NOX4: variants seen among roughly 807,000 people sequenced by gnomAD.
The protein encoded by NOX4 is NADPH oxidase 4.
Under a neutral mutation model 87.6 loss-of-function variants are expected in NOX4, and 69 were observed. That is an observed-to-expected ratio of 0.79 (90% CI 0.65 to 0.96). The LOEUF (loss-of-function observed/expected upper bound fraction) is 0.96, where lower values mean the gene tolerates loss of function less well. Among genes scored for constraint, NOX4 ranks in the 40% least tolerant of loss-of-function variants. NOX4 has a pLI of 0.00. For synonymous variants in NOX4, 275 were observed against 238.2 expected (o/e 1.15, Z -1.42); for missense variants, 680 against 681.5 (o/e 1.00, Z 0.02).
At chr11:89,539,610 C>A in the NOX4 span, among the ~76,000 whole-genome samples, 3 of 152,020 alleles carry the variant, frequency 2.0e-5, no homozygotes, top group Admixed American at 2.0e-4. Context: ...TCTTCCTCAC[C>A]CACCCTCTTT....
At chr11:89,413,943 A>T (rs1378279329) in intron 8 of NOX4, among the ~76,000 whole-genome samples, 3 of 152,056 alleles carry the variant, frequency 2.0e-5, no homozygotes, top group Non-Finnish European at 4.4e-5. Context: ...AAGTTTTTTA[A>T]ATGGAGAACA....
At chr11:89,575,500 T>G in the NOX4 span, among the ~76,000 whole-genome samples, 42 of 152,118 alleles carry the variant, frequency 2.8e-4, no homozygotes, top group African/African-American at 1.0e-3. Flanking sequence ...CCAAATATAA[T>G]CATTGATTTA....
intron 8 of NOX4, 27 bp from the exon 9 acceptor site, chr11:89,402,569 C>T (rs777519776): frequency 6.5e-7 from 1 of 1,530,524 alleles, no homozygotes; most frequent in African/African-American, 1.4e-5. Flanking sequence ...AACAAACAAA[C>T]AGAGAAATGA....
the NOX4 span, among the ~76,000 whole-genome samples, chr11:89,506,023 A>C: frequency 6.6e-6 from 1 of 151,876 alleles, no homozygotes; most frequent in South Asian, 2.1e-4. Context: ...ATGTATATTT[A>C]TGGTATTGAT....
chr11:89,456,709 C>T (rs1591303096), intron 2 of NOX4, among the ~76,000 whole-genome samples: 2 of 152,094 alleles, frequency 1.3e-5, no homozygotes, highest in East Asian at 3.9e-4. Context: ...CCCATGACTC[C>T]CACGGACACT....
At chr11:89,386,588 T>C (rs186130596) in intron 11 of NOX4, among the ~76,000 whole-genome samples, 3 of 152,272 alleles carry the variant, frequency 2.0e-5, no homozygotes, top group African/African-American at 2.4e-5. Flanking sequence ...CACTCTCTCC[T>C]AGCCATTTCT....
chr11:89,455,457 T>C (rs1021303637), intron 2 of NOX4, among the ~76,000 whole-genome samples: 4 of 152,212 alleles, frequency 2.6e-5, no homozygotes, highest in Admixed American at 2.0e-4. Context: ...CAGCTATGTA[T>C]CCTCAGCCCT....
chr11:89,393,537 C>T (rs772717860), intron 11 of NOX4, among the ~76,000 whole-genome samples: 9 of 152,084 alleles, frequency 5.9e-5, no homozygotes, highest in African/African-American at 1.9e-4. Context: ...AAGCCACATG[C>T]TCATGTCTTG....
At chr11:89,334,224 A>G (rs1264465158) in intron 17 of NOX4, among the ~76,000 whole-genome samples, 1 of 151,676 alleles carries the variant, frequency 6.6e-6, no homozygotes, top group Non-Finnish European at 1.5e-5. Flanking sequence ...GAGACAGATG[A>G]GTATGACAAG....
At chr11:89,543,209 A>AT in the NOX4 span, among the ~76,000 whole-genome samples, 3 of 152,184 alleles carry the variant, frequency 2.0e-5, no homozygotes, top group Non-Finnish European at 4.4e-5. Context: ...ATATAAAAAA[A>AT]TTTTTAAAGA....
chr11:89,476,192 C>T (rs1400855158), intron 2 of NOX4, among the ~76,000 whole-genome samples: 1 of 152,066 alleles, frequency 6.6e-6, no homozygotes, highest in African/African-American at 2.4e-5. Context: ...ATCCATTCCA[C>T]TATTTGCACC....
chr11:89,347,354 C>T (rs1460183733), intron 13 of NOX4, among the ~76,000 whole-genome samples: 1 of 152,148 alleles, frequency 6.6e-6, no homozygotes, highest in African/African-American at 2.4e-5. Context: ...TTTCCCCCTG[C>T]CCTGAGGCAA....
intron 8 of NOX4, among the ~76,000 whole-genome samples, chr11:89,413,766 A>G (rs1942614269): frequency 6.6e-6 from 1 of 152,102 alleles, no homozygotes. Flanking sequence ...AAAATAATGA[A>G]AACAGTACAA....
the NOX4 span, among the ~76,000 whole-genome samples, chr11:89,582,480 C>A: frequency 4.6e-5 from 7 of 152,130 alleles, no homozygotes; most frequent in Admixed American, 2.0e-4. Flanking sequence ...CATAGCTGCA[C>A]TAATTTACAT....
At chr11:89,389,351 G>A (rs769538231) in intron 11 of NOX4, among the ~76,000 whole-genome samples, 19 of 152,142 alleles carry the variant, frequency 1.2e-4, no homozygotes, top group Non-Finnish European at 2.5e-4. Flanking sequence ...GTATTTCTGT[G>A]CCCTGTCTTT....
rs557106243 is a variant in NOX4 at position 89,430,494 on chromosome 11, A to G, written c.548+2290T>C. 1.1e-4 allele frequency among the ~76,000 whole-genome samples: 17 copies of G among 152,358 alleles called. No individual in the cohort carries two copies. In the East Asian group the frequency reaches 3.3e-3, roughly 29 times the overall value. ...CAAAATCTCCTTAAGGTGATAAGCA[A>G]CTTCAGCAAAGTCTCAGGATACAAA... On this transcript the variant is annotated intron_variant, in intron 7 of 17. Coordinates refer to ENST00000263317, the MANE Select transcript of NOX4 (RefSeq NM_016931.5).
At chr11:89,522,570 T>A in the NOX4 span, among the ~76,000 whole-genome samples, 1 of 152,162 alleles carries the variant, frequency 6.6e-6, no homozygotes, top group Non-Finnish European at 1.5e-5. Context: ...TGGGATCATT[T>A]GTACCCCAAA....
At chr11:89,507,388 A>G in the NOX4 span, among the ~76,000 whole-genome samples, 2 of 151,282 alleles carry the variant, frequency 1.3e-5, no homozygotes, top group Non-Finnish European at 3.0e-5. Context: ...TATATATAAT[A>G]TATAATAATA....
At chr11:89,438,872 T>C (rs1413370230) in intron 6 of NOX4, among the ~76,000 whole-genome samples, 10 of 52,310 alleles carry the variant, frequency 1.9e-4, no homozygotes, top group Admixed American at 7.5e-4. Context: ...ATATTATATA[T>C]ATAATATATA....
Sources: allele counts gnomAD v4.1 joint callset (sites outside exome capture counted in the v4.1 genomes callset), GRCh38; gene constraint gnomAD v4.1.1; transcripts MANE v1.5; gene names NCBI Gene and HGNC (gene_info 2026-07-23, HGNC 2026-07-21).